The following PTPRM variants were observed in gnomAD, a reference collection of about 807,000 sequenced individuals.
PTPRM encodes receptor-type tyrosine-protein phosphatase mu.
In PTPRM, 47 loss-of-function variants were observed where a neutral mutation model predicts 186.7. The ratio of observed to expected loss-of-function variants is 0.25; its 90% CI spans 0.20 to 0.32. The LOEUF (loss-of-function observed/expected upper bound fraction) is 0.32, where lower values mean the gene tolerates loss of function less well. Among genes scored for constraint, PTPRM ranks in the 10% least tolerant of loss-of-function variants. The probability of loss-of-function intolerance (pLI) is 1.00; values close to 1 mark genes in which losing one functional copy is unlikely to be tolerated. For synonymous variants in PTPRM, 668 were observed against 674.9 expected (o/e 0.99, Z 0.16); for missense variants, 1,494 against 1,865.0 (o/e 0.80, Z 3.66).
intron 2 of PTPRM, among the ~76,000 whole-genome samples, chr18:7,791,222 C>A (rs1487668313): frequency 6.6e-6 from 1 of 152,022 alleles, no homozygotes; most frequent in Non-Finnish European, 1.5e-5. Flanking sequence ...ATTCAGTAGG[C>A]CCTGTGGTCT....
At chr18:8,265,376 A>G (rs910971064) in intron 19 of PTPRM, among the ~76,000 whole-genome samples, 1 of 152,198 alleles carries the variant, frequency 6.6e-6, no homozygotes, top group African/African-American at 2.4e-5. Context: ...ACCAAGCTAC[A>G]GCTCTTGAGA....
At chr18:7,861,923 C>G (rs2047407840) in intron 2 of PTPRM, among the ~76,000 whole-genome samples, 1 of 152,104 alleles carries the variant, frequency 6.6e-6, no homozygotes, top group Non-Finnish European at 1.5e-5. Context: ...AAAACCCTCT[C>G]CTTAAGATTT....
At chr18:7,985,965 C>T (rs1006975589) in intron 7 of PTPRM, among the ~76,000 whole-genome samples, 6 of 151,950 alleles carry the variant, frequency 3.9e-5, no homozygotes, top group Non-Finnish European at 5.9e-5. Context: ...ATTTCAGAGT[C>T]GGGATACATT....
At chr18:7,680,833 T>C (rs750403336) in intron 1 of PTPRM, among the ~76,000 whole-genome samples, 22 of 152,234 alleles carry the variant, frequency 1.4e-4, no homozygotes, top group Non-Finnish European at 3.2e-4. Context: ...GGGCTAAGTG[T>C]GGGCTATGGG....
intron 15 of PTPRM, among the ~76,000 whole-genome samples, chr18:8,246,670 C>T (rs757357578): frequency 6.6e-6 from 1 of 151,956 alleles, no homozygotes; most frequent in Non-Finnish European, 1.5e-5. Context: ...CCATTGTGCT[C>T]TTTTTCCAGG....
chr18:7,976,091 C>A (rs964760755), intron 7 of PTPRM, among the ~76,000 whole-genome samples: 5 of 152,154 alleles, frequency 3.3e-5, no homozygotes, highest in African/African-American at 1.2e-4. Flanking sequence ...ATATCTTGAA[C>A]CTGGGAGGCA....
intron 14 of PTPRM, among the ~76,000 whole-genome samples, chr18:8,238,436 C>A (rs1291261306): frequency 6.6e-6 from 1 of 151,934 alleles, no homozygotes; most frequent in Non-Finnish European, 1.5e-5. Flanking sequence ...CGTTTTTTGT[C>A]TCTAGCGTTT....
intron 2 of PTPRM, among the ~76,000 whole-genome samples, chr18:7,876,977 G>A (rs1444256579): frequency 1.3e-5 from 2 of 152,088 alleles, no homozygotes; most frequent in African/African-American, 2.4e-5. Flanking sequence ...TGTCTGTAAT[G>A]AGTAAAAGAG....
intron 7 of PTPRM, among the ~76,000 whole-genome samples, chr18:8,063,663 G>A (rs1051906695): frequency 2.0e-5 from 3 of 152,034 alleles, no homozygotes; most frequent in Admixed American, 6.5e-5. Context: ...AGGGGTACAA[G>A]TACAGTCATG....
At chr18:7,786,190 G>T (rs1214728607) in intron 2 of PTPRM, among the ~76,000 whole-genome samples, 1 of 152,194 alleles carries the variant, frequency 6.6e-6, no homozygotes, top group African/African-American at 2.4e-5. Context: ...GTGGTCGAAA[G>T]AGAAATAAAT....
chr18:8,230,794 T>A (rs1298139154), intron 14 of PTPRM, among the ~76,000 whole-genome samples: 1 of 152,254 alleles, frequency 6.6e-6, no homozygotes, highest in Non-Finnish European at 1.5e-5. Context: ...AAATTTTACC[T>A]TTAAATGCAA....
chr18:8,358,127 C>T (rs2095573453), intron 23 of PTPRM, among the ~76,000 whole-genome samples: 1 of 150,816 alleles, frequency 6.6e-6, no homozygotes, highest in Non-Finnish European at 1.5e-5. Context: ...TTAAGGCTAG[C>T]TATTCCCCCC....
intron 20 of PTPRM, among the ~76,000 whole-genome samples, chr18:8,311,458 T>G (rs1601752866): frequency 6.6e-6 from 1 of 152,162 alleles, no homozygotes; most frequent in Non-Finnish European, 1.5e-5. Flanking sequence ...GCCCCACACA[T>G]GGGACTGCAG....
At chr18:8,289,551 C>CACATATATATACATACAT (rs1318286908) in intron 19 of PTPRM, among the ~76,000 whole-genome samples, 2 of 77,718 alleles carry the variant, frequency 2.6e-5, no homozygotes, top group Non-Finnish European at 4.6e-5. Flanking sequence ...TATATATATA[C>CACATATATATACATACAT]ATATATATAC....
At chr18:7,670,210 G>T (rs1461380295) in intron 1 of PTPRM, among the ~76,000 whole-genome samples, 3 of 151,864 alleles carry the variant, frequency 2.0e-5, no homozygotes, top group African/African-American at 7.3e-5. Context: ...AAAATTTGCA[G>T]TGCATTTTAT....
At chr18:7,819,186 C>A (rs894684916) in intron 2 of PTPRM, among the ~76,000 whole-genome samples, 1 of 152,112 alleles carries the variant, frequency 6.6e-6, no homozygotes, top group African/African-American at 2.4e-5. Flanking sequence ...GCTTCACCCC[C>A]AGGCCTGTGC....
chr18:8,382,283 C>T (rs2095742048), intron 29 of PTPRM, among the ~76,000 whole-genome samples: 1 of 152,134 alleles, frequency 6.6e-6, no homozygotes, highest in Admixed American at 6.5e-5. Context: ...GAGGCAAGTG[C>T]AACCCACGTC....
At chr18:8,154,589 T>C (rs992344380) in intron 14 of PTPRM, 2 of 152,230 alleles carry the variant, frequency 1.3e-5, no homozygotes, top group African/African-American at 4.8e-5. Context: ...TGACATTTTA[T>C]TGGGAGGCAT....
chr18:7,826,789 T>C (rs76294258), intron 2 of PTPRM, among the ~76,000 whole-genome samples: 5,740 of 152,298 alleles, frequency 0.038, 315 homozygotes, highest in African/African-American at 0.12. Context: ...GCTTCCATTT[T>C]TTTAAATTAA....
Sources: gnomAD v4.1 joint callset for allele counts (sites outside exome capture counted in the v4.1 genomes callset) on GRCh38, gnomAD v4.1.1 for gene constraint, MANE v1.5 for transcripts, NCBI Gene and HGNC (gene_info 2026-07-23, HGNC 2026-07-21) for gene names.